TMEM135: variants seen among roughly 807,000 people sequenced by gnomAD.
The protein encoded by TMEM135 is peroxisomal membrane protein 52.
TMEM135 carries 30 observed loss-of-function variants against 60.3 expected under a neutral mutation model. The observed-to-expected ratio is 0.50, with a 90% CI of 0.37 to 0.68. The LOEUF (loss-of-function observed/expected upper bound fraction) is 0.68, where lower values mean the gene tolerates loss of function less well. Among genes scored for constraint, TMEM135 ranks in the 30% least tolerant of loss-of-function variants. The pLI is 0.00. For synonymous variants in TMEM135, 190 were observed against 186.7 expected, an observed-to-expected ratio of 1.02 and a Z score of -0.14; for missense variants, 468 against 548.8, an observed-to-expected ratio of 0.85 and a Z score of 1.47.
intron 6 of TMEM135, among the ~76,000 whole-genome samples, chr11:87,280,103 G>A (rs1188507783): frequency 6.6e-6 from 1 of 151,888 alleles, no homozygotes; most frequent in African/African-American, 2.4e-5. Flanking sequence ...ATTAAAATAT[G>A]TCTTAAAGTT....
intron 6 of TMEM135, among the ~76,000 whole-genome samples, chr11:87,268,255 ATATTTATTTATTTATTTATT>A (rs56802824): frequency 5.1e-5 from 7 of 136,798 alleles, no homozygotes; most frequent in African/African-American, 8.1e-5. Context: ...CCACACCTAG[ATATTTATTTATTTATTTATT>A]TATTTATTTA....
At chr11:87,249,478 A>G (rs200672941) in intron 6 of TMEM135, among the ~76,000 whole-genome samples, 8 of 151,860 alleles carry the variant, frequency 5.3e-5, no homozygotes, top group Admixed American at 1.3e-4. Context: ...TTCTACATTG[A>G]TGTTATTTTC....
chr11:87,204,725 C>G (rs1679586437), intron 5 of TMEM135, among the ~76,000 whole-genome samples: 1 of 152,026 alleles, frequency 6.6e-6, no homozygotes, highest in Admixed American at 6.5e-5. Context: ...TCTTTTTTCT[C>G]ATCATCTTTA....
chr11:87,245,633 G>A (rs1489961563), intron 6 of TMEM135, among the ~76,000 whole-genome samples: 7 of 137,476 alleles, frequency 5.1e-5, no homozygotes. Context: ...TTTGATTTTT[G>A]TTGGTTTAAA....
chr11:87,066,914 G>T (rs1380768860), intron 1 of TMEM135, among the ~76,000 whole-genome samples: 2 of 150,278 alleles, frequency 1.3e-5, no homozygotes, highest in Non-Finnish European at 3.0e-5. Flanking sequence ...CCAAGTAGCT[G>T]GGACTACAGG....
At chr11:87,092,568 T>G (rs1254358181) in intron 4 of TMEM135, among the ~76,000 whole-genome samples, 2 of 152,206 alleles carry the variant, frequency 1.3e-5, no homozygotes, top group East Asian at 1.9e-4. Context: ...GACTTTTAAT[T>G]GTAATGAAAT....
In TMEM135 at chr11:87,186,592, C is replaced by G. The variant is rs370577402; in HGVS notation, c.462+29186C>G. Among the ~76,000 whole-genome samples, 5 of 152,138 alleles carry G rather than the reference C, an allele frequency of 3.3e-5. No individual in the cohort carries two copies. The East Asian group carries it at 7.7e-4, about 23-fold the overall frequency. ...ATCTGTTACTTACAATAAAGTTCAT[C>G]TTTTTTTGTTAATAAAGTTTATCTT... On this transcript the variant is annotated intron_variant, in intron 5 of 14. Transcript: ENST00000305494.
At chr11:87,318,863 C>CA (rs1554988612) in intron 13 of TMEM135, among the ~76,000 whole-genome samples, 7 of 143,960 alleles carry the variant, frequency 4.9e-5, no homozygotes, top group Non-Finnish European at 1.1e-4. Context: ...TCAAAAGTGA[C>CA]TTTTTTTTTT....
intron 3 of TMEM135, among the ~76,000 whole-genome samples, chr11:87,081,807 C>A (rs367984134): frequency 1.3e-5 from 2 of 151,530 alleles, no homozygotes; most frequent in South Asian, 4.1e-4. Flanking sequence ...ATGACCTATT[C>A]TAAATATTAG....
chr11:87,192,864 C>T (rs576446639), intron 5 of TMEM135, among the ~76,000 whole-genome samples: 1 of 152,212 alleles, frequency 6.6e-6, no homozygotes, highest in African/African-American at 2.4e-5. Flanking sequence ...CCTGTAATTC[C>T]AGCACTTTCA....
chr11:87,180,917 T>C (rs1413337320), intron 5 of TMEM135, among the ~76,000 whole-genome samples: 2 of 152,220 alleles, frequency 1.3e-5, no homozygotes, highest in East Asian at 1.9e-4. Context: ...TCCAACATTA[T>C]TGGACATAAC....
rs150142184 is a variant in TMEM135 at position 87,185,679 on chromosome 11, C to A, written c.462+28273C>A. On this transcript the variant is annotated intron_variant, in intron 5 of 14. Transcript: ENST00000305494. The stretch of plus-strand genomic sequence containing the variant: ...TTGCAAAATGGATATATTCTTTTAT[C>A]AGTTAGAATACCTGTGTAAAGGGAA... 2.8e-3 allele frequency among the ~76,000 whole-genome samples: 424 copies of A among 152,194 alleles called. 2 individuals are homozygous for A. The highest frequency in any genetic ancestry group is 9.8e-3 in the African/African-American group (407 of 41,500).
At chr11:87,074,932 TC>T (rs1168612316) in intron 3 of TMEM135, among the ~76,000 whole-genome samples, 2 of 152,166 alleles carry the variant, frequency 1.3e-5, no homozygotes, top group African/African-American at 4.8e-5. Context: ...TTCTTTCTTT[TC>T]CTTTTTCTAA....
intron 7 of TMEM135, 22 bp from the exon 8 acceptor site, chr11:87,302,274 C>T (rs767591408): frequency 6.2e-7 from 1 of 1,610,640 alleles, no homozygotes; most frequent in Admixed American, 1.7e-5. Context: ...AAAAATGCCT[C>T]ACATTGTGCT....
At chr11:87,296,213 T>G (rs187428482) in intron 7 of TMEM135, among the ~76,000 whole-genome samples, 53 of 152,326 alleles carry the variant, frequency 3.5e-4, no homozygotes, top group Non-Finnish European at 4.0e-4. Flanking sequence ...AAACACAGAT[T>G]CGATTTTAAG....
chr11:87,122,139 G>A (rs1352734701), intron 4 of TMEM135, among the ~76,000 whole-genome samples: 1 of 152,042 alleles, frequency 6.6e-6, no homozygotes, highest in Non-Finnish European at 1.5e-5. Context: ...ATTTTCAGGA[G>A]ATCTCTGCTA....
chr11:87,104,235 T>C (rs969460175), intron 4 of TMEM135, among the ~76,000 whole-genome samples: 1 of 152,232 alleles, frequency 6.6e-6, no homozygotes, highest in Non-Finnish European at 1.5e-5. Context: ...AAAAATCAAT[T>C]GACCATAACT....
intron 6 of TMEM135, among the ~76,000 whole-genome samples, chr11:87,289,882 G>A (rs140171279): frequency 3.4e-4 from 51 of 152,178 alleles, no homozygotes; most frequent in Admixed American, 8.5e-4. Context: ...AACATGCAGC[G>A]TTTAACTTTT....
At chr11:87,265,553 G>A (rs1941731270) in intron 6 of TMEM135, among the ~76,000 whole-genome samples, 1 of 151,798 alleles carries the variant, frequency 6.6e-6, no homozygotes, top group South Asian at 2.1e-4. Context: ...ATTTTAATAA[G>A]CATCTAAACA....
Sources: allele counts gnomAD v4.1 joint callset (sites outside exome capture counted in the v4.1 genomes callset), GRCh38; gene constraint gnomAD v4.1.1; transcripts MANE v1.5; gene names NCBI Gene and HGNC (gene_info 2026-07-23, HGNC 2026-07-21).